MEGF6: variants seen among roughly 807,000 people sequenced by gnomAD.
MEGF6 encodes multiple EGF like domains 6.
Under a neutral mutation model 207.1 loss-of-function variants are expected in MEGF6, and 184 were observed. The observed-to-expected ratio is 0.89, with a 90% CI of 0.79 to 1.00. The LOEUF (loss-of-function observed/expected upper bound fraction) is 1.00, where lower values mean the gene tolerates loss of function less well. Among genes scored for constraint, MEGF6 ranks in the 50% least tolerant of loss-of-function variants. MEGF6 has a pLI of 0.00. For missense variants in MEGF6, 2,282 were observed against 2,202.9 expected (o/e 1.04, Z -0.72); for synonymous variants, 1,038 against 910.0 (o/e 1.14, Z -2.53).
intron 26 of MEGF6, 61 bp from the exon 27 acceptor site, chr1:3,497,422 G>A (rs1640658414): frequency 1.4e-6 from 2 of 1,459,458 alleles, no homozygotes; most frequent in African/African-American, 2.9e-5. Context: ...CTGTGGGCCA[G>A]GACAGGCCGG....
intron 1 of MEGF6, among the ~76,000 whole-genome samples, chr1:3,603,564 A>G (rs547153308): frequency 9.9e-5 from 15 of 152,182 alleles, no homozygotes; most frequent in Non-Finnish European, 1.5e-4. Flanking sequence ...GGCCAGGCAT[A>G]CCTGGTGCGG....
chr1:3,516,744 GCAAGCTGGCTTAAAAAC>G (rs1641555669), intron 5 of MEGF6, among the ~76,000 whole-genome samples: 2 of 152,214 alleles, frequency 1.3e-5, no homozygotes, highest in Non-Finnish European at 2.9e-5. Context: ...CCCCCTCAGA[GCAAGCTGGCTTAAAAAC>G]CCACCGTGCT....
chr1:3,509,876 A>G lies in MEGF6; in HGVS notation c.1351T>C (p.Cys451Arg). ...GYRLHEDRRG[C>R]SPLEEPMVDL... ...CGGAGGGCGGGAGACTCACGGCTGC[A>G]GCCCCTACGGTCCTCGTGCAGCCGG... The change falls in exon 11 of 37, where the codon TGC (cysteine) becomes CGC (arginine). Residue 451 changes from cysteine (C) to arginine (R), a missense_variant. Cys to Arg is a radical substitution (Grantham distance 180). Coordinates refer to ENST00000356575, the MANE Select transcript of MEGF6 (RefSeq NM_001409.4). 1.3e-6 allele frequency: 2 copies of G among 1,553,896 alleles called. No homozygotes were observed. The highest frequency in any genetic ancestry group is 1.7e-6 in the Non-Finnish European group (2 of 1,150,826).
chr1:3,623,865 G>A, the MEGF6 span, among the ~76,000 whole-genome samples: 2 of 152,080 alleles, frequency 1.3e-5, no homozygotes, highest in Non-Finnish European at 2.9e-5. Context: ...CCTCCATCTA[G>A]ACCAGCCAGC....
At chr1:3,515,742 G>C (rs968287767) in intron 5 of MEGF6, among the ~76,000 whole-genome samples, 2 of 152,234 alleles carry the variant, frequency 1.3e-5, no homozygotes, top group African/African-American at 4.8e-5. Flanking sequence ...GCTGCCTACA[G>C]GATCCTCAGG....
chr1:3,586,176 G>A (rs1643891936), intron 3 of MEGF6, among the ~76,000 whole-genome samples: 2 of 150,838 alleles, frequency 1.3e-5, no homozygotes, highest in African/African-American at 4.9e-5. Context: ...TCCTGTGTGT[G>A]GGTGTGAGTG....
chr1:3,536,343 C>T (rs1043134457), intron 4 of MEGF6, among the ~76,000 whole-genome samples: 2 of 152,086 alleles, frequency 1.3e-5, no homozygotes, highest in African/African-American at 2.4e-5. Flanking sequence ...CTCTGGGGTA[C>T]GGGGGCATCG....
intron 4 of MEGF6, among the ~76,000 whole-genome samples, chr1:3,566,555 G>A (rs559448664): frequency 1.3e-5 from 2 of 152,306 alleles, no homozygotes; most frequent in African/African-American, 4.8e-5. Flanking sequence ...GGGCCAGCAA[G>A]CCCCACCTGT....
chr1:3,534,190 G>C (rs867236692), intron 4 of MEGF6, among the ~76,000 whole-genome samples: 1 of 152,222 alleles, frequency 6.6e-6, no homozygotes, highest in African/African-American at 2.4e-5. Flanking sequence ...GCGTGCTAGC[G>C]TCACACATGT....
At chr1:3,553,507 C>T (rs1341374784) in intron 4 of MEGF6, among the ~76,000 whole-genome samples, 3 of 152,204 alleles carry the variant, frequency 2.0e-5, no homozygotes, top group African/African-American at 4.8e-5. Flanking sequence ...CCTCCCCACA[C>T]CCCAGGCAGG....
intron 5 of MEGF6, among the ~76,000 whole-genome samples, chr1:3,519,176 G>GGCC (rs1435816264): frequency 6.6e-6 from 1 of 152,146 alleles, no homozygotes; most frequent in Non-Finnish European, 1.5e-5. Context: ...CCCTGGCCAG[G>GGCC]GCCAGATCAT....
intron 4 of MEGF6, among the ~76,000 whole-genome samples, chr1:3,579,273 C>G (rs578153759): frequency 2.0e-5 from 3 of 152,200 alleles, no homozygotes; most frequent in Non-Finnish European, 4.4e-5. Context: ...TACAGAAATC[C>G]CGTCACCCCA....
chr1:3,543,237 A>G (rs1642585262), intron 4 of MEGF6, among the ~76,000 whole-genome samples: 1 of 152,158 alleles, frequency 6.6e-6, no homozygotes, highest in Non-Finnish European at 1.5e-5. Flanking sequence ...GGGCCGAGTC[A>G]TCACTGCAAG....
rs566231379 is a variant in MEGF6 at position 3,512,055 on chromosome 1, G to T, written c.927C>A (p.Cys309Ter). The T allele has an allele frequency of 6.2e-7, 1 of 1,612,762 alleles. No homozygotes were observed. ...CCAGCTCATAGCCCGCGTGACACAC[G>T]CACTTGAAGGACCCCTGGGTGTTGA... Reference protein sequence around the residue: ...GCLNTQGSFKCVCHAGYELGA... With the variant: ...GCLNTQGSFK The change falls in exon 8 of 37, where the codon TGC becomes TGA. Residue 309 changes from cysteine to a stop codon, truncating the protein, a stop_gained. Transcript: ENST00000356575. LOFTEE classifies it high-confidence loss of function.
At position 3,573,155 on chromosome 1, in the gene MEGF6, C is replaced by T. The variant is rs1643556985; in HGVS notation, c.481+6670G>A. On this transcript the variant is annotated intron_variant, in intron 4 of 36. Transcript: ENST00000356575. The surrounding 1 kb of genome is among the most constrained non-coding windows in gnomAD (Gnocchi z 5.1). ...GGGTCCTCCCTGGTGGGCTGTGTTC[C>T]CTCAGGTGTGCTGGGTCCTCCCTGG... 6.9e-6 allele frequency among the ~76,000 whole-genome samples: 1 copy of T among 145,102 alleles called. No homozygotes were observed. The highest frequency in any genetic ancestry group is 2.6e-5 in the African/African-American group (1 of 39,064).
chr1:3,538,531 G>C (rs1642401735), intron 4 of MEGF6, among the ~76,000 whole-genome samples: 1 of 152,216 alleles, frequency 6.6e-6, no homozygotes, highest in Non-Finnish European at 1.5e-5. Flanking sequence ...CAGAAACAGG[G>C]GGGAGCCCCC....
chr1:3,497,712 C>T (rs1640671517), intron 26 of MEGF6: 1 of 449,410 alleles, frequency 2.2e-6, no homozygotes, highest in Non-Finnish European at 4.2e-6. Flanking sequence ...GCAGCCGGGG[C>T]TCAGCACTGA....
intron 5 of MEGF6, among the ~76,000 whole-genome samples, chr1:3,523,230 C>A (rs375668991): frequency 3.9e-5 from 6 of 152,312 alleles, no homozygotes; most frequent in Admixed American, 2.0e-4. Flanking sequence ...ACCCCCCATG[C>A]CTCCCAGACA....
the MEGF6 span, among the ~76,000 whole-genome samples, chr1:3,622,590 A>G: frequency 6.6e-6 from 1 of 152,214 alleles, no homozygotes; most frequent in Non-Finnish European, 1.5e-5. Context: ...ATGTTGCAGA[A>G]GAGACCCACC....
Sources: gnomAD v4.1 joint callset for allele counts (sites outside exome capture counted in the v4.1 genomes callset) on GRCh38, gnomAD v4.1.1 for gene constraint, Gnocchi (gnomAD v3.1) non-coding constraint, MANE v1.5 for transcripts, NCBI Gene and HGNC (gene_info 2026-07-23, HGNC 2026-07-21) for gene names.